Variants in RAB40B observed in about 807,000 individuals in gnomAD.
RAB40B encodes the protein ras-related protein Rab-40B.
RAB40B carries 21 observed loss-of-function variants against 24.0 expected under a neutral mutation model. That is an observed-to-expected ratio of 0.88 (90% confidence interval 0.62 to 1.26). RAB40B has a LOEUF of 1.26. RAB40B is among the 50% of genes most tolerant of loss of function. The pLI is 0.00. For synonymous variants in RAB40B, 167 were observed against 169.8 expected (o/e 0.98, Z 0.13); for missense variants, 348 against 390.5 (o/e 0.89, Z 0.92).
chr17:82,664,762 C>CGCCTTGGCCTCTGTGGGGGTCAG, intron 1 of RAB40B: 1 of 544,350 alleles, frequency 1.8e-6, no homozygotes, highest in Non-Finnish European at 3.3e-6. Context: ...TGTCCTCAGC[C>CGCCTTGGCCTCTGTGGGGGTCAG]GCCTTGGCCT....
Position 82,675,401 on chromosome 17 carries a change from G to A in RAB40B, c.143-10845C>T, listed in dbSNP as rs2248369. 0.59 allele frequency among the ~76,000 whole-genome samples: 90,003 copies of A among 151,274 alleles called. 27,364 individuals are homozygous for A. Among genetic ancestry groups the A allele is most frequent in the Admixed American group, 0.71 (10,881 of 15,228 alleles). Reference sequence around the variant, plus strand: ...CTGACGTGGTCTCCACCAAGCGCTGGCTTCCTTCACAGCAGCACTTGGCCC... The same window carrying A: ...CTGACGTGGTCTCCACCAAGCGCTGACTTCCTTCACAGCAGCACTTGGCCC... On this transcript the variant is annotated intron_variant, in intron 1 of 5. Transcript: ENST00000571995. This position sits in a 1 kb window ranked among gnomAD's most constrained non-coding sequence, Gnocchi z 4.5.
chr17:82,677,575 G>A (rs780592778), intron 1 of RAB40B, among the ~76,000 whole-genome samples: 39 of 152,280 alleles, frequency 2.6e-4, no homozygotes, highest in African/African-American at 8.2e-4. Flanking sequence ...CTGACGCCGC[G>A]TCTCTGTCCC....
In RAB40B at chr17:82,663,073, A is replaced by G. The variant is rs902551194; in HGVS notation, c.203+1423T>C. Among the ~76,000 whole-genome samples, 6 of 152,196 alleles carry G rather than the reference A, an allele frequency of 3.9e-5. No individual in the cohort carries two copies. The highest frequency in any genetic ancestry group is 1.4e-4 in the African/African-American group (6 of 41,512). On this transcript the variant is annotated intron_variant, in intron 2 of 5. Coordinates refer to ENST00000571995, the MANE Select transcript of RAB40B (RefSeq NM_006822.3). This position sits in a 1 kb window ranked among gnomAD's most constrained non-coding sequence, Gnocchi z 6.2. ...GCTGGCGGAGGGTGGGGAGCAGGAC[A>G]GGGGCTGACGGCAACCCCAACGCCA...
Position 82,658,145 on chromosome 17 carries a change from A to G in RAB40B, c.566-11T>C. 1 of 1,611,442 alleles carries G rather than the reference A, an allele frequency of 6.2e-7. No homozygotes were observed. Among genetic ancestry groups the G allele is most frequent in the Admixed American group, 1.7e-5 (1 of 59,826 alleles). Reference sequence around the variant, plus strand: ...CTTGCAAGCTCAGCACTTGGGAGAGAAAAGATAAACCTTGCTTAGTGGATG... The same window carrying G: ...CTTGCAAGCTCAGCACTTGGGAGAGGAAAGATAAACCTTGCTTAGTGGATG... On this transcript the variant is annotated splice_polypyrimidine_tract_variant and intron_variant, in intron 5 of 5. Transcript: ENST00000571995.
At chr17:82,661,127 C>G in intron 2 of RAB40B, 80 bp from the exon 3 acceptor site, 1 of 1,530,930 alleles carries the variant, frequency 6.5e-7, no homozygotes, top group Non-Finnish European at 8.8e-7. Context: ...AGAGCCACAG[C>G]AAGTGCACCA....
At chr17:82,695,074 A>C (rs2046594720) in intron 1 of RAB40B, among the ~76,000 whole-genome samples, 1 of 151,876 alleles carries the variant, frequency 6.6e-6, no homozygotes, top group Non-Finnish European at 1.5e-5. Flanking sequence ...ATACAGAAGC[A>C]AGGGCTATAA....
chr17:82,659,743 A>C, intron 3 of RAB40B, 86 bp from the exon 4 acceptor site: 1 of 1,009,308 alleles, frequency 9.9e-7, no homozygotes, highest in Non-Finnish European at 1.5e-6. Flanking sequence ...CAACTAAATA[A>C]CCACTTTCCT....
intron 1 of RAB40B, among the ~76,000 whole-genome samples, chr17:82,681,309 A>G (rs1280535054): frequency 1.3e-5 from 2 of 152,144 alleles, no homozygotes; most frequent in Non-Finnish European, 2.9e-5. Flanking sequence ...CTATGGTAGG[A>G]AATATTACAT....
chr17:82,685,683 C>A (rs1323483653), intron 1 of RAB40B, among the ~76,000 whole-genome samples: 1 of 152,214 alleles, frequency 6.6e-6, no homozygotes, highest in Non-Finnish European at 1.5e-5. Flanking sequence ...TTCATGAGAA[C>A]GAAACTGTCC....
At chr17:82,696,088 T>A (rs908082114) in intron 1 of RAB40B, among the ~76,000 whole-genome samples, 26 of 152,268 alleles carry the variant, frequency 1.7e-4, no homozygotes, top group African/African-American at 5.5e-4. Flanking sequence ...CAGGCTGGTC[T>A]CGAACCCCTG....
chr17:82,680,777 A>T (rs2046441208), intron 1 of RAB40B, among the ~76,000 whole-genome samples: 1 of 152,160 alleles, frequency 6.6e-6, no homozygotes, highest in Admixed American at 6.6e-5. Context: ...CACGCCTTTA[A>T]TCCCAGCACT....
chr17:82,666,324 A>C (rs1162075707), intron 1 of RAB40B, among the ~76,000 whole-genome samples: 1 of 151,890 alleles, frequency 6.6e-6, no homozygotes, highest in Non-Finnish European at 1.5e-5. Context: ...GGCTCACTGC[A>C]ACCTCGGCCT....
intron 1 of RAB40B, among the ~76,000 whole-genome samples, chr17:82,695,627 T>C (rs1398551647): frequency 6.6e-6 from 1 of 150,748 alleles, no homozygotes; most frequent in East Asian, 1.9e-4. Context: ...GGAGGATGGC[T>C]TGAACCCAGG....
At chr17:82,690,959 C>T (rs1223472094) in intron 1 of RAB40B, among the ~76,000 whole-genome samples, 1 of 152,224 alleles carries the variant, frequency 6.6e-6, no homozygotes, top group Non-Finnish European at 1.5e-5. Flanking sequence ...GAGCAAACCC[C>T]AGCAACTGTG....
intron 1 of RAB40B, among the ~76,000 whole-genome samples, chr17:82,676,352 C>A (rs2046394214): frequency 6.7e-6 from 1 of 148,982 alleles, no homozygotes. Flanking sequence ...AGCCTCCCCT[C>A]ACCCCACACA....
intron 2 of RAB40B, chr17:82,661,279 A>T (rs928126131): frequency 4.6e-6 from 6 of 1,314,774 alleles, no homozygotes; most frequent in Admixed American, 3.6e-5. Context: ...AACTAGAAAA[A>T]ATAGTGACGG....
chr17:82,686,259 C>A lies in RAB40B; in HGVS notation c.142+12196G>T, dbSNP rs190391525. ...CCTAAGCAGCTGAGATAACAGGCAC[C>A]TGCCACCACGCCCAGCTAATTTTTG... On this transcript the variant is annotated intron_variant, in intron 1 of 5. Coordinates refer to ENST00000571995, the MANE Select transcript of RAB40B (RefSeq NM_006822.3). Among the ~76,000 whole-genome samples, 181 of 152,076 alleles carry A rather than the reference C, an allele frequency of 1.2e-3. 1 individual carries two copies. Among genetic ancestry groups the A allele is most frequent in the Non-Finnish European group, 2.0e-3 (138 of 67,998 alleles).
intron 1 of RAB40B, among the ~76,000 whole-genome samples, chr17:82,689,910 T>C (rs975079767): frequency 6.9e-6 from 1 of 145,738 alleles, no homozygotes; most frequent in African/African-American, 2.6e-5. Context: ...GAGGTTGCAG[T>C]GAACCGAGAT....
Position 82,697,904 on chromosome 17 carries a change from C to T in RAB40B, c.142+551G>A, listed in dbSNP as rs926465709. On this transcript the variant is annotated intron_variant, in intron 1 of 5. Coordinates refer to ENST00000571995, the MANE Select transcript of RAB40B (RefSeq NM_006822.3). This position sits in a 1 kb window ranked among gnomAD's most constrained non-coding sequence, Gnocchi z 4.9. ...TTCCTCTCCCCCGGACACGCGGGAC[C>T]CCTGGCCTCGGGACCGGACCCTGGT... Among the ~76,000 whole-genome samples, 3 of 151,916 alleles carry T rather than the reference C, an allele frequency of 2.0e-5. No homozygotes were observed. Among genetic ancestry groups the T allele is most frequent in the African/African-American group, 7.3e-5 (3 of 41,354 alleles).
Sources: allele counts gnomAD v4.1 joint callset (sites outside exome capture counted in the v4.1 genomes callset), GRCh38; gene constraint gnomAD v4.1.1; non-coding constraint Gnocchi (gnomAD v3.1); transcripts MANE v1.5; gene names NCBI Gene and HGNC (gene_info 2026-07-23, HGNC 2026-07-21).